The following CHST12 variants were observed in gnomAD, a reference collection of about 807,000 sequenced individuals.
The protein encoded by CHST12 is carbohydrate sulfotransferase 12.
In CHST12, 23 loss-of-function variants were observed where a neutral mutation model predicts 27.9. That is an observed-to-expected ratio of 0.82 (90% CI 0.59 to 1.17). The LOEUF (loss-of-function observed/expected upper bound fraction) is 1.17. Ranked by LOEUF, CHST12 falls within the 50% of genes most tolerant of loss-of-function variation. CHST12 has a pLI of 0.00. For synonymous variants in CHST12, 322 were observed against 273.0 expected, an observed-to-expected ratio of 1.18 and a Z score of -1.77; for missense variants, 682 against 603.0, an observed-to-expected ratio of 1.13 and a Z score of -1.37.
At chr7:2,409,134 A>G (rs548435273) in intron 1 of CHST12, among the ~76,000 whole-genome samples, 9 of 152,330 alleles carry the variant, frequency 5.9e-5, no homozygotes, top group Admixed American at 3.9e-4. Context: ...CCTCGCCGCA[A>G]TGATAGTAAT....
In CHST12 at chr7:2,445,888, T is replaced by C. The variant is rs1782739933; in HGVS notation, c.*12004T>C. The C allele has an allele frequency of 6.6e-6, 1 of 152,304 alleles. No homozygotes were observed. The highest frequency in any genetic ancestry group is 1.9e-4 in the East Asian group (1 of 5,180). The allele number at this position is 152,304 out of a possible 1,614,324, so 9.4% of individuals were successfully genotyped here. On this transcript the variant is annotated 3_prime_UTR_variant, in exon 2 of 2. Transcript: ENST00000618655. The stretch of plus-strand genomic sequence containing the variant: ...TGTTGATGGGCACGCCAGGGTTTAA[T>C]GGACGGCTCTTTGAAGTCATGGGCT...
Position 2,426,091 on chromosome 7 carries a change from G to A in CHST12, c.-77-6472G>A, listed in dbSNP as rs541357457. On this transcript the variant is annotated intron_variant, in intron 1 of 1. Transcript: ENST00000618655. ...GGGAGTAGGTAGATGGGCATCGTGC[G>A]AAGGGACTGCCAGTGAGAAGAGGGC... Among the ~76,000 whole-genome samples, 6 of 152,306 alleles carry A rather than the reference G, an allele frequency of 3.9e-5. No individual in the cohort carries two copies. In the South Asian group the frequency reaches 1.0e-3, roughly 26 times the overall value.
At position 2,440,808 on chromosome 7, in the gene CHST12, A is replaced by G. The variant is rs1192057207; in HGVS notation, c.*6924A>G. ...GTTGCACAATCCTGTGTCATTCTGG[A>G]TTTATCTTGGGGTCGGGAGTCAACG... is the stretch of plus-strand genomic sequence containing the variant. On this transcript the variant is annotated 3_prime_UTR_variant, in exon 2 of 2. Transcript: ENST00000618655. 1 of 152,018 alleles carries G rather than the reference A, an allele frequency of 6.6e-6. No individual in the cohort carries two copies. The highest frequency in any genetic ancestry group is 1.5e-5 in the Non-Finnish European group (1 of 67,992). 9.4% of individuals were successfully genotyped at this position (152,018 alleles called of 1,614,324 possible).
At chr7:2,428,496 G>T (rs1305786009) in intron 1 of CHST12, among the ~76,000 whole-genome samples, 1 of 152,202 alleles carries the variant, frequency 6.6e-6, no homozygotes, top group Non-Finnish European at 1.5e-5. Flanking sequence ...AGTGAAAGCT[G>T]GGTCCGGGGG....
rs1453517917 is a variant in CHST12 at position 2,425,219 on chromosome 7, AC to A, written c.-77-7343del. On this transcript the variant is annotated intron_variant, in intron 1 of 1. Transcript: ENST00000618655. ...ACTCCGTCTCAAAAAAAAAAAAAAA[AC>A]AACAAACAAAAAAAAAACGTAAAAA... 8.3e-5 allele frequency among the ~76,000 whole-genome samples: 7 copies of A among 84,648 alleles called. No individual in the cohort carries two copies. The South Asian group carries it at 1.2e-3, about 15-fold the overall frequency. The allele number at this position is 84,648 out of a possible 152,430, so 55.5% of individuals were successfully genotyped here.
At chr7:2,428,422 C>T (rs1200178002) in intron 1 of CHST12, among the ~76,000 whole-genome samples, 1 of 152,082 alleles carries the variant, frequency 6.6e-6, no homozygotes, top group Non-Finnish European at 1.5e-5. Flanking sequence ...CACAATGCAA[C>T]GGGGCTCTTT....
In CHST12 at chr7:2,446,039, A is replaced by G. The variant is rs1189211632; in HGVS notation, c.*12155A>G. 2.0e-5 allele frequency: 3 copies of G among 152,346 alleles called. No individual in the cohort carries two copies. Among genetic ancestry groups the G allele is most frequent in the South Asian group, 2.1e-4 (1 of 4,828 alleles). 9.4% of individuals were successfully genotyped at this position (152,346 alleles called of 1,614,324 possible). A position where few individuals can be genotyped will look rare whatever the true frequency, so the allele number is the denominator to read the frequency against. The stretch of plus-strand genomic sequence containing the variant: ...AGCCCTGGCTTTGCCCAGACCTCTC[A>G]AGGGCACTTCGTGGGACCATTGCCG... On this transcript the variant is annotated 3_prime_UTR_variant, in exon 2 of 2. Transcript: ENST00000618655.
chr7:2,432,477 G>A (rs1370930190), intron 1 of CHST12, 86 bp from the exon 2 acceptor site: 5 of 830,132 alleles, frequency 6.0e-6, no homozygotes, highest in Admixed American at 2.9e-5. Context: ...CTGCTCCTCC[G>A]GACCCCAGTC....
intron 1 of CHST12, among the ~76,000 whole-genome samples, chr7:2,430,123 A>G (rs182164446): frequency 1.4e-3 from 217 of 152,002 alleles, no homozygotes; most frequent in Non-Finnish European, 2.4e-3. Flanking sequence ...AGTGACTGTA[A>G]CATATGTTGT....
chr7:2,442,480 C>T lies in CHST12; in HGVS notation c.*8596C>T, dbSNP rs960029874. ...CCAGGTTCAGGCCATTCTCCTGCCT[C>T]AGCCTCCCGAGTAGCTGGGACTACA... On this transcript the variant is annotated 3_prime_UTR_variant, in exon 2 of 2. Transcript: ENST00000618655. The T allele has an allele frequency of 2.0e-5, 3 of 152,288 alleles. No homozygotes were observed. Among genetic ancestry groups the T allele is most frequent in the African/African-American group, 7.2e-5 (3 of 41,444 alleles). The allele number at this position is 152,288 out of a possible 1,614,324, so 9.4% of individuals were successfully genotyped here.
chr7:2,406,415 T>G (rs1233287829), intron 1 of CHST12, among the ~76,000 whole-genome samples: 2 of 43,418 alleles, frequency 4.6e-5, no homozygotes, highest in Admixed American at 3.1e-4. Context: ...GAGTACGGGG[T>G]GGGGGAACAG....
Position 2,434,111 on chromosome 7 carries a change from C to T in CHST12, c.*227C>T, listed in dbSNP as rs1583229170. Reference sequence around the variant, plus strand: ...ATATCCCCTCTCCCCTCCGCCCGCCCACCCGCCCGCCCGCTCGCCCGCTCG... The same window carrying T: ...ATATCCCCTCTCCCCTCCGCCCGCCTACCCGCCCGCCCGCTCGCCCGCTCG... On this transcript the variant is annotated 3_prime_UTR_variant, in exon 2 of 2. Transcript: ENST00000618655. 3 of 383,620 alleles carry T rather than the reference C, an allele frequency of 7.8e-6. No homozygotes were observed. Among genetic ancestry groups the T allele is most frequent in the African/African-American group, 2.7e-5 (1 of 37,048 alleles). 23.8% of individuals were successfully genotyped at this position (383,620 alleles called of 1,614,324 possible). A position where few individuals can be genotyped will look rare whatever the true frequency, so the allele number is the denominator to read the frequency against.
intron 1 of CHST12, among the ~76,000 whole-genome samples, chr7:2,432,226 C>G (rs958407239): frequency 6.8e-6 from 1 of 147,846 alleles, no homozygotes; most frequent in Non-Finnish European, 1.5e-5. Flanking sequence ...GGGCTCACAC[C>G]TGGAGCTGGT....
At position 2,432,628 on chromosome 7, in the gene CHST12, G is replaced by C. The variant is rs1352067671; in HGVS notation, c.-12G>C. 6 of 1,598,970 alleles carry C rather than the reference G, an allele frequency of 3.8e-6. No homozygotes were observed. Among genetic ancestry groups the C allele is most frequent in the Non-Finnish European group, 5.1e-6 (6 of 1,169,414 alleles). Reference sequence around the variant, plus strand: ...GAGAGGCCCGGAGAGGGCCCAGCCCGCCCGGGGCAGGATGACCAAGGCCCG... The same window carrying C: ...GAGAGGCCCGGAGAGGGCCCAGCCCCCCCGGGGCAGGATGACCAAGGCCCG... On this transcript the variant is annotated 5_prime_UTR_variant, in exon 2 of 2. Coordinates refer to ENST00000618655, the MANE Select transcript of CHST12 (RefSeq NM_018641.5).
intron 1 of CHST12, among the ~76,000 whole-genome samples, chr7:2,408,618 T>A (rs2115383729): frequency 6.6e-6 from 1 of 152,196 alleles, no homozygotes; most frequent in Non-Finnish European, 1.5e-5. Flanking sequence ...GCTTGAGAAA[T>A]TCTGAAGGAT....
chr7:2,415,555 C>G (rs968500583), intron 1 of CHST12, among the ~76,000 whole-genome samples: 3 of 151,558 alleles, frequency 2.0e-5, no homozygotes, highest in African/African-American at 7.3e-5. Context: ...TTGATAGCTG[C>G]TGATTGATCA....
In CHST12 at chr7:2,439,827, G is replaced by A. The variant is rs938471222; in HGVS notation, c.*5943G>A. 2 of 151,912 alleles carry A rather than the reference G, an allele frequency of 1.3e-5. No homozygotes were observed. The highest frequency in any genetic ancestry group is 2.1e-4 in the South Asian group (1 of 4,824). The allele number at this position is 151,912 out of a possible 1,614,324, so 9.4% of individuals were successfully genotyped here. The stretch of plus-strand genomic sequence containing the variant: ...CCGGGAGGCGGAGCTTGCAGTGAGC[G>A]GAGATTGGCGCCACTACACTCCAGC... On this transcript the variant is annotated 3_prime_UTR_variant, in exon 2 of 2. Transcript: ENST00000618655.
chr7:2,417,938 A>G (rs1203091898), intron 1 of CHST12, among the ~76,000 whole-genome samples: 1 of 152,242 alleles, frequency 6.6e-6, no homozygotes, highest in Non-Finnish European at 1.5e-5. Context: ...TGCTGTAACA[A>G]TGTGGAAAAT....
rs766681596 is a variant in CHST12, at chr7:2,434,721, C to T, written c.*837C>T. On this transcript the variant is annotated 3_prime_UTR_variant, in exon 2 of 2. Transcript: ENST00000618655. ...GGCAGAGGCTGCAGTGAGCTGAGAT[C>T]GCGACATTGCACTCTAGCCTGGGTG... 2 of 150,434 alleles carry T rather than the reference C, an allele frequency of 1.3e-5. No individual in the cohort carries two copies. The highest frequency in any genetic ancestry group is 4.9e-5 in the African/African-American group (2 of 40,720). 9.3% of individuals were successfully genotyped at this position (150,434 alleles called of 1,614,324 possible).
Sources: allele counts gnomAD v4.1 joint callset (sites outside exome capture counted in the v4.1 genomes callset), GRCh38; gene constraint gnomAD v4.1.1; transcripts MANE v1.5; gene names NCBI Gene and HGNC (gene_info 2026-07-23, HGNC 2026-07-21).